The following CDH26 variants were observed in gnomAD, a reference collection of about 807,000 sequenced individuals.
CDH26 encodes the protein cadherin 26, also known as cadherin-like protein 26.
A neutral mutation model predicts 90.3 loss-of-function variants in CDH26; 83 were observed. That is an observed-to-expected ratio of 0.92 (90% CI 0.77 to 1.10). The LOEUF is 1.10. Among genes scored for constraint, CDH26 ranks in the 50% least tolerant of loss-of-function variants. CDH26 has a pLI of 0.00. For missense variants in CDH26, 1,013 were observed against 1,037.6 expected (o/e 0.98, Z 0.33); for synonymous variants, 397 against 396.3 (o/e 1.00, Z -0.02).
In CDH26 at chr20:59,996,811, A is replaced by T. The variant is rs1447332206; in HGVS notation, c.2019+50A>T. The T allele has an allele frequency of 3.1e-6, 5 of 1,611,124 alleles. No individual in the cohort carries two copies. The East Asian group carries it at 8.9e-5, about 29-fold the overall frequency. On this transcript the variant is annotated intron_variant, in intron 13 of 17. Coordinates refer to ENST00000348616, the MANE Select transcript of CDH26 (RefSeq NM_177980.4). ...CTTATGGCAAGGAATTCACTAATAC[A>T]CAGACATATAGCATGTATTTTTCCC...
intron 4 of CDH26, among the ~76,000 whole-genome samples, chr20:59,978,666 G>T (rs146921090): frequency 6.6e-6 from 1 of 151,868 alleles, no homozygotes; most frequent in Admixed American, 6.6e-5. Context: ...GAGCCACCAC[G>T]CCCGATCTTA....
chr20:60,004,670 G>A (rs1002740667), intron 16 of CDH26, among the ~76,000 whole-genome samples: 1 of 151,266 alleles, frequency 6.6e-6, no homozygotes, highest in Admixed American at 6.6e-5. Context: ...GGAGGCTGAG[G>A]CAGGAGAATG....
chr20:60,002,971 A>G (rs896555960), intron 16 of CDH26, 105 bp downstream of exon 16: 1 of 614,922 alleles, frequency 1.6e-6, no homozygotes, highest in African/African-American at 1.9e-5. Flanking sequence ...AAGAGGTGAT[A>G]AAAAAAAATA....
At chr20:59,988,267 C>T (rs2061482769) in intron 8 of CDH26, among the ~76,000 whole-genome samples, 1 of 152,170 alleles carries the variant, frequency 6.6e-6, no homozygotes, top group Non-Finnish European at 1.5e-5. Context: ...TGCCTCTAGT[C>T]TTCATTGCTC....
chr20:59,977,175 G>T (rs935331728), intron 4 of CDH26, among the ~76,000 whole-genome samples: 15 of 152,134 alleles, frequency 9.9e-5, no homozygotes, highest in Admixed American at 2.0e-4. Context: ...GCTGGTGCTG[G>T]TGAGTCCGCC....
intron 4 of CDH26, among the ~76,000 whole-genome samples, chr20:59,974,315 C>T (rs1296953700): frequency 6.6e-6 from 1 of 152,110 alleles, no homozygotes; most frequent in African/African-American, 2.4e-5. Flanking sequence ...AAACTATCAA[C>T]AGAGTAAACA....
At chr20:59,974,089 T>C (rs1050707475) in intron 4 of CDH26, among the ~76,000 whole-genome samples, 3 of 152,376 alleles carry the variant, frequency 2.0e-5, no homozygotes, top group African/African-American at 7.2e-5. Flanking sequence ...ATAGCCATTC[T>C]GACTGGTGTG....
In CDH26 at chr20:59,987,535, C is replaced by T; in HGVS notation, c.920C>T (p.Ser307Leu). Residue 307 changes from serine to leucine, a missense_variant, in exon 8 of 18, where the codon TCA becomes TTA. Transcript: ENST00000348616. Reference protein sequence around the residue: ...LVQDRDSPFTSAWRAKFNILH... With the variant: ...LVQDRDSPFTLAWRAKFNILH... ...CAAGATCGAGATTCTCCATTTACAT[C>T]AGCTTGGAGAGCAAAATTCAACATA... is the stretch of plus-strand genomic sequence containing the variant. The T allele has an allele frequency of 6.2e-7, 1 of 1,614,000 alleles. No individual in the cohort carries two copies. The highest frequency in any genetic ancestry group is 8.5e-7 in the Non-Finnish European group (1 of 1,179,942).
intron 8 of CDH26, among the ~76,000 whole-genome samples, chr20:60,032,548 C>T (rs57285899): frequency 3.3e-5 from 5 of 151,998 alleles, no homozygotes; most frequent in African/African-American, 1.2e-4. Flanking sequence ...CACATGCACA[C>T]GTATGTTTAT....
chr20:59,984,466 CTAAT>C (rs2061428485), intron 5 of CDH26, among the ~76,000 whole-genome samples, 169 bp from the exon 6 acceptor site: 1 of 152,204 alleles, frequency 6.6e-6, no homozygotes, highest in African/African-American at 2.4e-5. Flanking sequence ...GATCTTATAA[CTAAT>C]TAAATATTCA....
Position 59,999,672 on chromosome 20 carries a change from C to A in CDH26, c.2097+9C>A. Reference sequence around the variant, plus strand: ...CCACGCAGGGAGTTAAGGTAACATGCCCCTTACTTGCTTCTGGATTTCAGA... The same window carrying A: ...CCACGCAGGGAGTTAAGGTAACATGACCCTTACTTGCTTCTGGATTTCAGA... On this transcript the variant is annotated intron_variant, in intron 14 of 17. Coordinates refer to ENST00000348616, the MANE Select transcript of CDH26 (RefSeq NM_177980.4). The A allele has an allele frequency of 6.2e-7, 1 of 1,613,446 alleles. No individual in the cohort carries two copies. The highest frequency in any genetic ancestry group is 8.5e-7 in the Non-Finnish European group (1 of 1,179,474).
intron 7 of CDH26, among the ~76,000 whole-genome samples, chr20:60,029,883 G>A (rs1239402948): frequency 6.6e-6 from 1 of 151,910 alleles, no homozygotes; most frequent in Non-Finnish European, 1.5e-5. Flanking sequence ...TCTTAAGAGG[G>A]TAGGTCTCAT....
At chr20:59,999,339 G>A (rs945590824) in intron 13 of CDH26, among the ~76,000 whole-genome samples, 2 of 152,088 alleles carry the variant, frequency 1.3e-5, no homozygotes, top group African/African-American at 4.8e-5. Flanking sequence ...CAGTTTACAT[G>A]GAACCCTGAA....
intron 13 of CDH26, among the ~76,000 whole-genome samples, chr20:59,999,330 A>C (rs2061644125): frequency 6.6e-6 from 1 of 152,210 alleles, no homozygotes; most frequent in African/African-American, 2.4e-5. Context: ...TTTTACCATC[A>C]GTTTACATGG....
intron 4 of CDH26, among the ~76,000 whole-genome samples, chr20:59,981,457 A>G (rs2061394569): frequency 6.6e-6 from 1 of 152,140 alleles, no homozygotes; most frequent in South Asian, 2.1e-4. Context: ...CGTATTTTAG[A>G]TTTGTAAATG....
In CDH26 at chr20:59,972,177, G is replaced by C. The variant is rs1043009929; in HGVS notation, c.393+54G>C. 2.0e-6 allele frequency: 3 copies of C among 1,526,998 alleles called. No homozygotes were observed. In the Admixed American group the frequency reaches 5.4e-5, roughly 27 times the overall value. The allele number at this position is 1,526,998 out of a possible 1,614,324, so 94.6% of individuals were successfully genotyped here. A position where few individuals can be genotyped will look rare whatever the true frequency, so the allele number is the denominator to read the frequency against. On this transcript the variant is annotated intron_variant, in intron 4 of 17. Transcript: ENST00000348616. ...CGGATTTAAAAGCTCTTGCAAGACT[G>C]TTGTATTTGGTAAGCATTATTTAAG...
chr20:59,969,116 G>A (rs2061215875), intron 2 of CDH26, 93 bp downstream of exon 2: 3 of 744,868 alleles, frequency 4.0e-6, no homozygotes, highest in Admixed American at 4.2e-5. Flanking sequence ...TTAGTGCCCT[G>A]CCAATGTTTG....
At position 59,982,910 on chromosome 20, in the gene CDH26, C is replaced by G. The variant is rs775548411; in HGVS notation, c.394-13C>G. On this transcript the variant is annotated splice_polypyrimidine_tract_variant and intron_variant, in intron 4 of 17. Transcript: ENST00000348616. ...ATGGTTCTGCAGGATTTTTACAGCT[C>G]TCTGCTTCCTAGGTTTATTTTGATG... 43 of 1,611,000 alleles carry G rather than the reference C, an allele frequency of 2.7e-5. No individual in the cohort carries two copies. The highest frequency in any genetic ancestry group is 2.4e-4 in the Admixed American group (14 of 59,546).
chr20:60,025,294 A>T (rs193049261), intron 7 of CDH26, among the ~76,000 whole-genome samples: 51 of 152,376 alleles, frequency 3.3e-4, no homozygotes, highest in African/African-American at 1.2e-3. Context: ...CGATGAGTTA[A>T]ATGCATTCAG....
Sources: gnomAD v4.1 joint callset for allele counts (sites outside exome capture counted in the v4.1 genomes callset) on GRCh38, gnomAD v4.1.1 for gene constraint, MANE v1.5 for transcripts, NCBI Gene and HGNC (gene_info 2026-07-23, HGNC 2026-07-21) for gene names.